Variants in NECAB1 observed in about 807,000 individuals in gnomAD.
NECAB1 encodes N-terminal EF-hand calcium-binding protein 1.
In NECAB1, 29 loss-of-function variants were observed where a neutral mutation model predicts 57.5. The observed-to-expected ratio is 0.50, with a 90% CI of 0.38 to 0.69. The LOEUF is 0.69. Among genes scored for constraint, NECAB1 ranks in the 30% least tolerant of loss-of-function variants. The probability of loss-of-function intolerance (pLI) is 0.00; values close to 1 mark genes in which losing one functional copy is unlikely to be tolerated. For missense variants in NECAB1, 372 were observed against 413.8 expected (o/e 0.90, Z 0.88); for synonymous variants, 142 against 147.7 (o/e 0.96, Z 0.28).
rs572641021 is a variant in NECAB1 at position 90,803,576 on chromosome 8, C to T, written c.124+1861C>T. Among the ~76,000 whole-genome samples the T allele has an allele frequency of 9.9e-4, 151 of 152,286 alleles. 1 individual carries two copies. Among genetic ancestry groups the T allele is most frequent in the African/African-American group, 3.5e-3 (144 of 41,554 alleles). On this transcript the variant is annotated intron_variant, in intron 2 of 12. Transcript: ENST00000417640. ...AATGGCTTATGATAACCTCAAATATCGTGCTGCATGAAGTGGTCACTTGCA... is the reference window on the plus strand; with the variant it reads ...AATGGCTTATGATAACCTCAAATATTGTGCTGCATGAAGTGGTCACTTGCA...
At chr8:90,877,429 A>C (rs1808748234) in intron 4 of NECAB1, among the ~76,000 whole-genome samples, 1 of 152,120 alleles carries the variant, frequency 6.6e-6, no homozygotes, top group African/African-American at 2.4e-5. Context: ...TCTGCATCAT[A>C]ATCTCCTAGG....
Position 90,867,639 on chromosome 8 carries a change from A to AAT in NECAB1, c.234-4487_234-4486dup, listed in dbSNP as rs1808543812. Among the ~76,000 whole-genome samples, 3 of 152,174 alleles carry AAT rather than the reference A, an allele frequency of 2.0e-5. No homozygotes were observed. The South Asian group carries it at 6.2e-4, about 32-fold the overall frequency. ...TTAGCTTGCAGTCGAGATATAGGTA[A>AAT]ATAGATTTATTTGTTTATCAATTAT... is the stretch of plus-strand genomic sequence containing the variant. On this transcript the variant is annotated intron_variant, in intron 3 of 12. Transcript: ENST00000417640.
intron 5 of NECAB1, among the ~76,000 whole-genome samples, chr8:90,887,335 G>C (rs1195196910): frequency 6.6e-6 from 1 of 152,160 alleles, no homozygotes; most frequent in East Asian, 1.9e-4. Flanking sequence ...CCACAAGGCA[G>C]TAATAAACTA....
At chr8:90,816,586 A>G (rs1812064639) in intron 2 of NECAB1, among the ~76,000 whole-genome samples, 1 of 151,874 alleles carries the variant, frequency 6.6e-6, no homozygotes, top group Admixed American at 6.6e-5. Context: ...AAGATGATCT[A>G]TCCTTTCTTC....
intron 4 of NECAB1, among the ~76,000 whole-genome samples, chr8:90,873,128 T>G (rs1434564204): frequency 1.3e-5 from 2 of 152,148 alleles, no homozygotes; most frequent in Non-Finnish European, 2.9e-5. Flanking sequence ...CTGAACAAAA[T>G]GAGCATAATC....
intron 12 of NECAB1, among the ~76,000 whole-genome samples, chr8:90,954,810 ATATG>A (rs1810989809): frequency 6.7e-6 from 1 of 149,104 alleles, no homozygotes. Flanking sequence ...ACATGTATTT[ATATG>A]TATATTATAT....
chr8:90,947,600 C>T (rs1194113324), intron 10 of NECAB1, among the ~76,000 whole-genome samples: 1 of 152,076 alleles, frequency 6.6e-6, no homozygotes, highest in Non-Finnish European at 1.5e-5. Flanking sequence ...AGGGTTTCAC[C>T]ATGTTGGCCA....
intron 3 of NECAB1, among the ~76,000 whole-genome samples, chr8:90,853,669 A>G (rs1395643051): frequency 6.6e-6 from 1 of 152,220 alleles, no homozygotes; most frequent in Non-Finnish European, 1.5e-5. Context: ...ATTCAATTTT[A>G]TCTTTTCAAC....
intron 5 of NECAB1, among the ~76,000 whole-genome samples, chr8:90,890,158 G>C (rs887764802): frequency 6.6e-6 from 1 of 152,138 alleles, no homozygotes; most frequent in African/African-American, 2.4e-5. Context: ...ACTTTGAATT[G>C]TAATCCCTAC....
intron 3 of NECAB1, among the ~76,000 whole-genome samples, chr8:90,870,018 GT>G (rs1171285917): frequency 4.4e-4 from 67 of 152,252 alleles, no homozygotes; most frequent in African/African-American, 1.4e-3. Flanking sequence ...GTGATAGTGA[GT>G]AAGGTCTCAC....
chr8:90,908,170 A>G (rs575446546), intron 5 of NECAB1, among the ~76,000 whole-genome samples: 1 of 152,340 alleles, frequency 6.6e-6, no homozygotes, highest in Admixed American at 6.5e-5. Flanking sequence ...GTTTAGGAAC[A>G]GTAACATTAC....
In NECAB1 at chr8:90,887,863, T is replaced by C. The variant is rs182957464; in HGVS notation, c.357+6733T>C. The stretch of plus-strand genomic sequence containing the variant: ...ACAGTTTCTCGAATGAATGTATAAA[T>C]AGCAAACTGTGATCTTGCAAATAAT... On this transcript the variant is annotated intron_variant, in intron 5 of 12. Coordinates refer to ENST00000417640, the MANE Select transcript of NECAB1 (RefSeq NM_022351.5). Among the ~76,000 whole-genome samples the C allele has an allele frequency of 3.5e-3, 540 of 152,236 alleles. 2 individuals carry two copies. Among genetic ancestry groups the C allele is most frequent in the African/African-American group, 0.012 (502 of 41,524 alleles).
intron 2 of NECAB1, among the ~76,000 whole-genome samples, chr8:90,810,677 C>T (rs865908431): frequency 6.6e-6 from 1 of 152,012 alleles, no homozygotes; most frequent in South Asian, 2.1e-4. Context: ...TCTTCACTTG[C>T]GAACTAAGGA....
intron 2 of NECAB1, among the ~76,000 whole-genome samples, chr8:90,821,042 T>G (rs1359354994): frequency 6.6e-6 from 1 of 151,880 alleles, no homozygotes; most frequent in Non-Finnish European, 1.5e-5. Flanking sequence ...TTCCTTGTTG[T>G]AGGCATTCTC....
chr8:90,826,095 C>T (rs1812219796), intron 3 of NECAB1, among the ~76,000 whole-genome samples: 1 of 151,668 alleles, frequency 6.6e-6, no homozygotes, highest in African/African-American at 2.4e-5. Flanking sequence ...TGAGAGATTA[C>T]AAATTCCTTA....
intron 2 of NECAB1, among the ~76,000 whole-genome samples, chr8:90,821,868 C>A (rs1812149202): frequency 6.6e-6 from 1 of 151,694 alleles, no homozygotes; most frequent in African/African-American, 2.4e-5. Context: ...ATAAAGTGCC[C>A]TACTAGCAAA....
chr8:90,928,269 C>A lies in NECAB1; in HGVS notation c.663C>A (p.Leu221=), dbSNP rs1810326459. 2 of 1,608,836 alleles carry A rather than the reference C, an allele frequency of 1.2e-6. No homozygotes were observed. ...DNQWMTQINR[L]QKLIDRLEKK... is the part of the protein sequence containing the mutation. ...AGTGGATGACCCAGATAAATAGACT[C>A]CAGAAATTAATTGATAGACTGGAAA... Residue 221 remains leucine, a synonymous_variant, in exon 8 of 13, where the codon CTC becomes CTA. Transcript: ENST00000417640.
chr8:90,890,377 G>A (rs1268309730), intron 5 of NECAB1, among the ~76,000 whole-genome samples: 1 of 152,150 alleles, frequency 6.6e-6, no homozygotes, highest in Non-Finnish European at 1.5e-5. Flanking sequence ...TGCCATGATT[G>A]TAAGTTTCCT....
At chr8:90,924,431 C>G (rs1312937278) in intron 6 of NECAB1, among the ~76,000 whole-genome samples, 1 of 152,076 alleles carries the variant, frequency 6.6e-6, no homozygotes, top group Non-Finnish European at 1.5e-5. Context: ...AAGGAATCTT[C>G]CCTAGCTGAT....
Sources: gnomAD v4.1 joint callset for allele counts (sites outside exome capture counted in the v4.1 genomes callset) on GRCh38, gnomAD v4.1.1 for gene constraint, MANE v1.5 for transcripts, NCBI Gene and HGNC (gene_info 2026-07-23, HGNC 2026-07-21) for gene names.